Variants in SYT16 observed in about 807,000 individuals in gnomAD.
SYT16 encodes synaptotagmin 16.
SYT16 carries 42 observed loss-of-function variants against 61.4 expected under a neutral mutation model. The ratio of observed to expected loss-of-function variants is 0.68; its 90% CI spans 0.53 to 0.89. SYT16 has a LOEUF of 0.89. SYT16 is among the 40% of genes least tolerant of loss of function. The pLI is 0.00. For missense variants in SYT16, 804 were observed against 807.3 expected, an observed-to-expected ratio of 1.00 and a Z score of 0.05; for synonymous variants, 314 against 302.3, an observed-to-expected ratio of 1.04 and a Z score of -0.40.
In SYT16 at chr14:61,845,718, A is replaced by G. The variant is rs373736198; in HGVS notation, c.-325+32908A>G. Among the ~76,000 whole-genome samples, 4 of 152,016 alleles carry G rather than the reference A, an allele frequency of 2.6e-5. No homozygotes were observed. The East Asian group carries it at 7.7e-4, about 29-fold the overall frequency. ...TGATCTTTATTTCTTTTCTTCTACTAATTTTGGGTTTGGCTTGCTCTTGTT... is the reference window on the plus strand; with the variant it reads ...TGATCTTTATTTCTTTTCTTCTACTGATTTTGGGTTTGGCTTGCTCTTGTT... On this transcript the variant is annotated intron_variant, in intron 1 of 7. Transcript: ENST00000683842.
chr14:62,090,309 T>G (rs1367840364), intron 7 of SYT16, among the ~76,000 whole-genome samples: 2 of 152,208 alleles, frequency 1.3e-5, no homozygotes, highest in Non-Finnish European at 2.9e-5. Flanking sequence ...CACATGATAA[T>G]TACACCCCAA....
chr14:62,085,158 C>G (rs138433055), intron 7 of SYT16, among the ~76,000 whole-genome samples: 1 of 152,162 alleles, frequency 6.6e-6, no homozygotes, highest in Non-Finnish European at 1.5e-5. Flanking sequence ...CCTCTCACCA[C>G]CTAGGAAGTT....
At chr14:61,947,072 G>A (rs2050467339) in intron 1 of SYT16, among the ~76,000 whole-genome samples, 1 of 152,064 alleles carries the variant, frequency 6.6e-6, no homozygotes, top group Non-Finnish European at 1.5e-5. Flanking sequence ...GGAGGTTCTT[G>A]GTTGGGAGGA....
intron 5 of SYT16, chr14:62,079,390 G>A (rs1433537150): frequency 8.2e-7 from 1 of 1,221,920 alleles, no homozygotes; most frequent in African/African-American, 1.6e-5. Flanking sequence ...TCTACTGTCT[G>A]TCAAGTCCTC....
intron 3 of SYT16, among the ~76,000 whole-genome samples, chr14:62,007,479 A>G (rs1305845511): frequency 6.6e-6 from 1 of 152,116 alleles, no homozygotes; most frequent in African/African-American, 2.4e-5. Flanking sequence ...TTTGATTTGC[A>G]TGTTTTAGCA....
intron 2 of SYT16, among the ~76,000 whole-genome samples, chr14:61,994,582 A>C (rs915249727): frequency 6.6e-6 from 1 of 152,180 alleles, no homozygotes; most frequent in Non-Finnish European, 1.5e-5. Flanking sequence ...CAGCTGGTGA[A>C]TATAACAGGG....
chr14:61,889,599 T>C (rs1246879976), intron 1 of SYT16, among the ~76,000 whole-genome samples: 1 of 151,962 alleles, frequency 6.6e-6, no homozygotes, highest in Middle Eastern at 3.4e-3. Context: ...CCTCTCTCTC[T>C]CTCTCTGTCT....
chr14:61,849,762 A>G (rs1471694422), intron 1 of SYT16, among the ~76,000 whole-genome samples: 1 of 152,164 alleles, frequency 6.6e-6, no homozygotes. Flanking sequence ...CAGTGATATG[A>G]AGTTAAAACC....
At chr14:61,867,128 T>C (rs1161771383) in intron 1 of SYT16, among the ~76,000 whole-genome samples, 1 of 152,100 alleles carries the variant, frequency 6.6e-6, no homozygotes, top group Non-Finnish European at 1.5e-5. Flanking sequence ...TATGCTAATA[T>C]CATACTGCTT....
intron 3 of SYT16, among the ~76,000 whole-genome samples, chr14:62,053,128 A>C (rs971460146): frequency 6.6e-6 from 1 of 152,206 alleles, no homozygotes; most frequent in Non-Finnish European, 1.5e-5. Context: ...AAAAGAGGAG[A>C]GCTCTAGAGA....
At chr14:62,055,626 C>A (rs908326640) in intron 3 of SYT16, among the ~76,000 whole-genome samples, 2 of 152,060 alleles carry the variant, frequency 1.3e-5, no homozygotes, top group African/African-American at 4.8e-5. Context: ...CTCAAAGAGG[C>A]TAGAGGAGCC....
intron 3 of SYT16, among the ~76,000 whole-genome samples, chr14:62,036,395 C>G (rs2054509047): frequency 1.3e-5 from 2 of 151,924 alleles, no homozygotes; most frequent in Admixed American, 1.3e-4. Flanking sequence ...ATACATGTGT[C>G]AAGAGTTCAG....
At chr14:61,879,605 G>A (rs1465763253) in intron 1 of SYT16, among the ~76,000 whole-genome samples, 2 of 152,026 alleles carry the variant, frequency 1.3e-5, no homozygotes, top group Admixed American at 6.6e-5. Flanking sequence ...CCTGCTCTCC[G>A]ACTCCTGTCC....
At chr14:62,086,065 G>T (rs2154110) in intron 7 of SYT16, among the ~76,000 whole-genome samples, 119,266 of 152,088 alleles carry the variant, frequency 0.78, 47,265 homozygotes, top group South Asian at 0.89. Flanking sequence ...AGCTTTATTT[G>T]GTATATTGGG....
intron 1 of SYT16, among the ~76,000 whole-genome samples, chr14:61,908,713 C>T (rs889367418): frequency 9.8e-5 from 15 of 152,306 alleles, no homozygotes; most frequent in Admixed American, 7.8e-4. Context: ...AAATCTTATA[C>T]TGAGAGATAC....
At chr14:62,044,201 G>GAAAAA (rs201971671) in intron 3 of SYT16, among the ~76,000 whole-genome samples, 1 of 138,356 alleles carries the variant, frequency 7.2e-6, no homozygotes. Flanking sequence ...CCCTGTCTTT[G>GAAAAA]AAAAAAAAAA....
At chr14:61,906,754 C>CATCCTTCT (rs1188595383) in intron 1 of SYT16, among the ~76,000 whole-genome samples, 6 of 149,516 alleles carry the variant, frequency 4.0e-5, no homozygotes, top group African/African-American at 1.2e-4. Context: ...TCCATCCTTC[C>CATCCTTCT]GTCCGTCCGT....
chr14:61,915,385 A>G (rs2049084280), intron 1 of SYT16, among the ~76,000 whole-genome samples: 1 of 152,182 alleles, frequency 6.6e-6, no homozygotes, highest in Admixed American at 6.5e-5. Flanking sequence ...CATAACATAC[A>G]TCTATGAACT....
chr14:62,039,872 C>CAT (rs1187984918), intron 3 of SYT16, among the ~76,000 whole-genome samples: 1 of 109,042 alleles, frequency 9.2e-6, no homozygotes, highest in African/African-American at 3.1e-5. Context: ...CACACACACA[C>CAT]ACACACGCAC....
Sources: allele counts gnomAD v4.1 joint callset (sites outside exome capture counted in the v4.1 genomes callset), GRCh38; gene constraint gnomAD v4.1.1; transcripts MANE v1.5; gene names NCBI Gene and HGNC (gene_info 2026-07-23, HGNC 2026-07-21).